SPAG16: variants seen among roughly 807,000 people sequenced by gnomAD.
SPAG16 encodes the protein sperm-associated antigen 16 protein.
A neutral mutation model predicts 80.4 loss-of-function variants in SPAG16; 86 were observed. That is an observed-to-expected ratio of 1.07 (90% confidence interval 0.90 to 1.28). The LOEUF (loss-of-function observed/expected upper bound fraction) is 1.28, where lower values mean the gene tolerates loss of function less well. Among genes scored for constraint, SPAG16 ranks in the 50% most tolerant of loss-of-function variants. SPAG16 has a pLI of 0.00. For missense variants in SPAG16, 870 were observed against 765.3 expected, an observed-to-expected ratio of 1.14 and a Z score of -1.61; for synonymous variants, 294 against 265.9, an observed-to-expected ratio of 1.11 and a Z score of -1.03.
intron 13 of SPAG16, among the ~76,000 whole-genome samples, chr2:214,081,288 T>G (rs1276549098): frequency 6.6e-6 from 1 of 152,086 alleles, no homozygotes; most frequent in East Asian, 1.9e-4. Context: ...CTGTTGTTGG[T>G]TGAATTGTGT....
intron 9 of SPAG16, among the ~76,000 whole-genome samples, chr2:213,388,413 C>A (rs2067563175): frequency 6.6e-6 from 1 of 152,150 alleles, no homozygotes. Flanking sequence ...TTTGGGGAGC[C>A]AAACATTAAA....
At chr2:213,699,402 G>A (rs997227231) in intron 10 of SPAG16, among the ~76,000 whole-genome samples, 4 of 152,100 alleles carry the variant, frequency 2.6e-5, no homozygotes, top group African/African-American at 9.7e-5. Context: ...GTAAAGATGG[G>A]AAGAAAATGA....
intron 14 of SPAG16, among the ~76,000 whole-genome samples, chr2:214,123,511 C>CA (rs2054320429): frequency 6.6e-6 from 1 of 151,996 alleles, no homozygotes; most frequent in East Asian, 1.9e-4. Flanking sequence ...CCCTTTACAT[C>CA]AACTGTGTCC....
At chr2:214,290,574 A>C (rs1004069190) in intron 15 of SPAG16, among the ~76,000 whole-genome samples, 1 of 151,900 alleles carries the variant, frequency 6.6e-6, no homozygotes, top group Non-Finnish European at 1.5e-5. Flanking sequence ...GTATTTTTGT[A>C]TTTCCATTTT....
chr2:213,463,380 A>T (rs576622590), intron 9 of SPAG16, among the ~76,000 whole-genome samples: 1 of 152,362 alleles, frequency 6.6e-6, no homozygotes, highest in Non-Finnish European at 1.5e-5. Flanking sequence ...CAATGGAGAA[A>T]ACATCCTCAG....
chr2:214,272,979 C>T (rs1039447040), intron 15 of SPAG16, among the ~76,000 whole-genome samples: 3 of 152,140 alleles, frequency 2.0e-5, no homozygotes, highest in African/African-American at 7.2e-5. Flanking sequence ...TTAATGATCG[C>T]CATTCTAACT....
At chr2:213,901,754 A>AGACAAGC (rs2077230351) in intron 11 of SPAG16, among the ~76,000 whole-genome samples, 2 of 152,198 alleles carry the variant, frequency 1.3e-5, no homozygotes, top group African/African-American at 4.8e-5. Context: ...ATACATACCC[A>AGACAAGC]AGCAGCAGAC....
At chr2:213,405,892 T>C (rs566177680) in intron 9 of SPAG16, among the ~76,000 whole-genome samples, 1 of 152,344 alleles carries the variant, frequency 6.6e-6, no homozygotes, top group South Asian at 2.1e-4. Context: ...TTATATGTTC[T>C]AGGGAGGATA....
chr2:213,882,452 T>G (rs2076380673), intron 11 of SPAG16, among the ~76,000 whole-genome samples: 1 of 152,112 alleles, frequency 6.6e-6, no homozygotes, highest in Non-Finnish European at 1.5e-5. Flanking sequence ...ATCCATGGCT[T>G]TTTGGGTTTT....
chr2:213,846,991 C>T (rs2074662748), intron 10 of SPAG16, among the ~76,000 whole-genome samples: 1 of 152,172 alleles, frequency 6.6e-6, no homozygotes, highest in Admixed American at 6.5e-5. Context: ...ACTGAGCTTC[C>T]TGCTTCCTTG....
chr2:214,168,114 T>C (rs115103542), intron 15 of SPAG16, among the ~76,000 whole-genome samples: 12,105 of 151,562 alleles, frequency 0.08, 558 homozygotes, highest in Middle Eastern at 0.1. Flanking sequence ...CTCAGCCTTC[T>C]GAATAGCTGG....
At chr2:213,809,513 ATAAT>A (rs575388990) in intron 10 of SPAG16, among the ~76,000 whole-genome samples, 182 of 152,316 alleles carry the variant, frequency 1.2e-3, no homozygotes, top group African/African-American at 4.2e-3. Flanking sequence ...ACTAGAGAAA[ATAAT>A]TATATAACAA....
intron 10 of SPAG16, among the ~76,000 whole-genome samples, chr2:213,678,577 A>G (rs2064218772): frequency 6.6e-6 from 1 of 152,174 alleles, no homozygotes; most frequent in South Asian, 2.1e-4. Flanking sequence ...CAGAATGGCC[A>G]TGTTTTATGC....
chr2:213,371,418 AGAAAAG>A (rs1222403321), intron 8 of SPAG16, among the ~76,000 whole-genome samples: 6 of 124,700 alleles, frequency 4.8e-5, no homozygotes, highest in South Asian at 2.4e-4. Context: ...AAAAAAAAAA[AGAAAAG>A]AAAAGACGAT....
intron 15 of SPAG16, among the ~76,000 whole-genome samples, chr2:214,358,851 T>C (rs866855401): frequency 9.2e-5 from 14 of 151,968 alleles, no homozygotes; most frequent in African/African-American, 3.4e-4. Context: ...TGGCTTCCCC[T>C]TGTCATATAC....
At chr2:213,461,869 A>G (rs577847305) in intron 9 of SPAG16, among the ~76,000 whole-genome samples, 35 of 152,152 alleles carry the variant, frequency 2.3e-4, no homozygotes, top group South Asian at 8.3e-4. Context: ...GAGAAGCTCA[A>G]TGTTTCAGGG....
intron 9 of SPAG16, among the ~76,000 whole-genome samples, chr2:213,392,818 C>T (rs1024491633): frequency 1.3e-5 from 2 of 151,614 alleles, no homozygotes; most frequent in African/African-American, 4.8e-5. Context: ...TGCACTCCAT[C>T]CTGGGTGATG....
chr2:214,236,366 T>G (rs1256133794), intron 15 of SPAG16, among the ~76,000 whole-genome samples: 1 of 152,136 alleles, frequency 6.6e-6, no homozygotes, highest in Non-Finnish European at 1.5e-5. Flanking sequence ...AAGGGTATAA[T>G]TTTGGGCCAG....
At chr2:213,943,783 A>C (rs545113619) in intron 12 of SPAG16, among the ~76,000 whole-genome samples, 11 of 152,316 alleles carry the variant, frequency 7.2e-5, no homozygotes, top group African/African-American at 2.6e-4. Context: ...GCAGGGGAAC[A>C]CAAGGGGTGT....
Sources: gnomAD v4.1 joint callset for allele counts (sites outside exome capture counted in the v4.1 genomes callset) on GRCh38, gnomAD v4.1.1 for gene constraint, MANE v1.5 for transcripts, NCBI Gene and HGNC (gene_info 2026-07-23, HGNC 2026-07-21) for gene names.